DDX18: variants seen among roughly 807,000 people sequenced by gnomAD.
DDX18 encodes the protein DEAD-box helicase 18.
In DDX18, 23 loss-of-function variants were observed where a neutral mutation model predicts 73.5. The observed-to-expected ratio is 0.31, with a 90% CI of 0.23 to 0.44. The LOEUF is 0.44. DDX18 is among the 20% of genes least tolerant of loss of function. The probability of loss-of-function intolerance (pLI) is 1.00; values close to 1 mark genes in which losing one functional copy is unlikely to be tolerated. For missense variants in DDX18, 753 were observed against 792.9 expected (o/e 0.95, Z 0.60); for synonymous variants, 268 against 282.7 (o/e 0.95, Z 0.52).
In DDX18 at chr2:117,819,684, T is replaced by G; in HGVS notation, c.406T>G (p.Ser136Ala). Residue 136 changes from serine (S) to alanine (A), a missense_variant, in exon 3 of 14, where the codon TCT (serine) becomes GCT (alanine). Coordinates refer to ENST00000263239, the MANE Select transcript of DDX18 (RefSeq NM_006773.4). ...AGCAAAAACTGAAAACAAAGGGAAA[T>G]CTGAAGAAGAAAGTGCCGAGACTAC... ...KKAKTENKGK[S>A]EEESAETTKE... 1 of 1,590,544 alleles carries G rather than the reference T, an allele frequency of 6.3e-7. No homozygotes were observed. Among genetic ancestry groups the G allele is most frequent in the East Asian group, 2.3e-5 (1 of 44,232 alleles).
chr2:117,816,954 A>C (rs982545285), intron 1 of DDX18, among the ~76,000 whole-genome samples: 9 of 152,234 alleles, frequency 5.9e-5, no homozygotes, highest in African/African-American at 1.2e-4. Flanking sequence ...TATTGGAGCA[A>C]ATAAGTGGTC....
At chr2:117,815,330 T>C (rs936201416) in intron 1 of DDX18, among the ~76,000 whole-genome samples, 6 of 152,218 alleles carry the variant, frequency 3.9e-5, no homozygotes, top group Non-Finnish European at 7.3e-5. Flanking sequence ...TTTGATACTA[T>C]TGCCTTCCTC....
At chr2:117,819,907 A>G in intron 3 of DDX18, 115 bp downstream of exon 3, 1 of 1,017,266 alleles carries the variant, frequency 9.8e-7, no homozygotes. Context: ...AGTAACTATC[A>G]ACAAGAAACT....
At chr2:117,820,106 TTGGCCC>T (rs1679823308) in intron 3 of DDX18, among the ~76,000 whole-genome samples, 1 of 152,242 alleles carries the variant, frequency 6.6e-6, no homozygotes, top group East Asian at 1.9e-4. Context: ...AGGAAAATGA[TTGGCCC>T]TGTACGAGGT....
In DDX18 at chr2:117,815,815, A is replaced by C. The variant is rs957684556; in HGVS notation, c.85+953A>C. 12 of 152,338 alleles carry C rather than the reference A, an allele frequency of 7.9e-5. No homozygotes were observed. In the East Asian group the frequency reaches 1.4e-3, roughly 17 times the overall value. The allele number at this position is 152,338 out of a possible 1,614,324, so 9.4% of individuals were successfully genotyped here. ...AGGACATTCTCAGGTACAGTCATGC[A>C]TCGCATAACAGGAGGGGGGATACAT... On this transcript the variant is annotated intron_variant, in intron 1 of 13. Transcript: ENST00000263239.
In DDX18 at chr2:117,821,842, C is replaced by G. The variant is rs1679851317; in HGVS notation, c.752-20C>G. 6.2e-7 allele frequency: 1 copy of G among 1,613,664 alleles called. No individual in the cohort carries two copies. On this transcript the variant is annotated intron_variant, in intron 5 of 13. Transcript: ENST00000263239. ...AGTGGTGACAGCCACATTTAGACTTCTACCATATATCATTTTTAGGAACAG... is the reference window on the plus strand; with the variant it reads ...AGTGGTGACAGCCACATTTAGACTTGTACCATATATCATTTTTAGGAACAG...
chr2:117,817,841 G>T, intron 2 of DDX18, 113 bp downstream of exon 2: 1 of 1,103,286 alleles, frequency 9.1e-7, no homozygotes. Flanking sequence ...GTACTCACCA[G>T]TATGTTAGAG....
rs774487616 is a variant in DDX18, at chr2:117,819,820, A to C, written c.514+28A>C. 1.6e-5 allele frequency: 24 copies of C among 1,531,218 alleles called. No individual in the cohort carries two copies. The South Asian group carries it at 2.9e-4, about 19-fold the overall frequency. The allele number at this position is 1,531,218 out of a possible 1,614,324, so 94.9% of individuals were successfully genotyped here. ...AACGTCCAGGAAGTTTTCTAGAGGTAACTTCTTTAAAATGTGCCTCTCTTA... is the reference window on the plus strand; with the variant it reads ...AACGTCCAGGAAGTTTTCTAGAGGTCACTTCTTTAAAATGTGCCTCTCTTA... On this transcript the variant is annotated intron_variant, in intron 3 of 13. Transcript: ENST00000263239.
chr2:117,819,946 C>CT (rs762796946), intron 3 of DDX18, among the ~76,000 whole-genome samples, 154 bp downstream of exon 3: 14 of 152,176 alleles, frequency 9.2e-5, no homozygotes, highest in Non-Finnish European at 1.9e-4. Flanking sequence ...TGCTTTTTCT[C>CT]TTTATCTTCT....
chr2:117,823,846 AG>A (rs1679883226), intron 7 of DDX18, among the ~76,000 whole-genome samples: 1 of 152,184 alleles, frequency 6.6e-6, no homozygotes, highest in Admixed American at 6.5e-5. Context: ...TAGTTTGCTG[AG>A]GATTTTTAAT....
chr2:117,830,789 A>G lies in DDX18; in HGVS notation c.*65A>G, dbSNP rs1680010346. ...AATGAATTTTTTTTCCCCTTGATTT[A>G]ACAGGATTTTTGTAGACTTTAGAAT... On this transcript the variant is annotated 3_prime_UTR_variant, in exon 14 of 14. Transcript: ENST00000263239. 1.3e-6 allele frequency: 2 copies of G among 1,589,438 alleles called. No homozygotes were observed. The highest frequency in any genetic ancestry group is 3.7e-5 in the Admixed American group (2 of 53,476).
chr2:117,822,703 T>A (rs1364437832), intron 7 of DDX18: 2 of 159,676 alleles, frequency 1.3e-5, no homozygotes, highest in East Asian at 3.6e-4. Context: ...AATGTACAAT[T>A]TGATGTTCTT....
intron 11 of DDX18, chr2:117,828,664 C>G: frequency 3.4e-6 from 1 of 290,508 alleles, no homozygotes; most frequent in Non-Finnish European, 6.4e-6. Context: ...CAAGCTGATT[C>G]ATGGTTGCAA....
chr2:117,815,276 A>C (rs1679738152), intron 1 of DDX18, among the ~76,000 whole-genome samples: 1 of 151,934 alleles, frequency 6.6e-6, no homozygotes, highest in South Asian at 2.1e-4. Context: ...TAATTCCCGT[A>C]TTTCTTTCCC....
At chr2:117,816,275 G>A (rs1021023459) in intron 1 of DDX18, among the ~76,000 whole-genome samples, 3 of 152,094 alleles carry the variant, frequency 2.0e-5, no homozygotes, top group African/African-American at 7.2e-5. Context: ...ATTAACCTTA[G>A]CCTGCTGTAA....
At chr2:117,827,753 T>C (rs1679958076) in intron 11 of DDX18, 1 of 152,148 alleles carries the variant, frequency 6.6e-6, no homozygotes, top group African/African-American at 2.4e-5. Context: ...GGCATTTGGG[T>C]TGGTTCCAAG....
intron 1 of DDX18, among the ~76,000 whole-genome samples, chr2:117,816,768 T>C (rs413275): frequency 0.94 from 142,902 of 152,338 alleles, 67,192 homozygotes; most frequent in East Asian, 1. Context: ...GATTTGTTTA[T>C]ACTAGCATCA....
At chr2:117,820,205 A>G (rs1266708690) in intron 3 of DDX18, among the ~76,000 whole-genome samples, 3 of 152,244 alleles carry the variant, frequency 2.0e-5, no homozygotes, top group African/African-American at 7.2e-5. Context: ...TCTAGGAGTT[A>G]CTTGAGTTGT....
intron 13 of DDX18, 28 bp from the exon 14 acceptor site, chr2:117,830,554 G>A: frequency 1.9e-6 from 3 of 1,596,270 alleles, no homozygotes; most frequent in Non-Finnish European, 2.6e-6. Flanking sequence ...TATCTTTTTT[G>A]CTTGATTTCC....
Sources: gnomAD v4.1 joint callset for allele counts (sites outside exome capture counted in the v4.1 genomes callset) on GRCh38, gnomAD v4.1.1 for gene constraint, MANE v1.5 for transcripts, NCBI Gene and HGNC (gene_info 2026-07-23, HGNC 2026-07-21) for gene names.